The following MCF2L2 variants were observed in gnomAD, a reference collection of about 807,000 sequenced individuals.
MCF2L2 encodes MCF.2 cell line derived transforming sequence-like 2.
A neutral mutation model predicts 150.2 loss-of-function variants in MCF2L2; 102 were observed. The ratio of observed to expected loss-of-function variants is 0.68; its 90% CI spans 0.58 to 0.80. The LOEUF is 0.80. Among genes scored for constraint, MCF2L2 ranks in the 30% least tolerant of loss-of-function variants. The pLI is 0.00. For synonymous variants in MCF2L2, 465 were observed against 491.3 expected, an observed-to-expected ratio of 0.95 and a Z score of 0.71; for missense variants, 1,256 against 1,372.8, an observed-to-expected ratio of 0.91 and a Z score of 1.34.
chr3:183,416,972 C>T (rs1715622601), intron 1 of MCF2L2, among the ~76,000 whole-genome samples: 1 of 151,042 alleles, frequency 6.6e-6, no homozygotes, highest in South Asian at 2.1e-4. Flanking sequence ...ATTAGCTTGG[C>T]GTGGTGGGGC....
intron 10 of MCF2L2, among the ~76,000 whole-genome samples, chr3:183,307,567 G>C (rs1022484155): frequency 2.0e-5 from 3 of 152,238 alleles, no homozygotes; most frequent in Non-Finnish European, 2.9e-5. Flanking sequence ...CGAAAGGTGG[G>C]TCATGGGTTC....
intron 10 of MCF2L2, among the ~76,000 whole-genome samples, chr3:183,301,137 C>G (rs375934559): frequency 1.3e-5 from 2 of 152,022 alleles, no homozygotes; most frequent in African/African-American, 2.4e-5. Flanking sequence ...CTGCATGACA[C>G]TTCGCTCTAA....
chr3:183,351,869 T>A (rs1711512376), intron 3 of MCF2L2, among the ~76,000 whole-genome samples: 2 of 152,290 alleles, frequency 1.3e-5, no homozygotes, highest in South Asian at 4.1e-4. Context: ...ATCTGCAAAA[T>A]GGTGGGGGCT....
At position 183,227,555 on chromosome 3, in the gene MCF2L2, C is replaced by A. The variant is rs1475423643; in HGVS notation, c.2115+742G>T. The A allele has an allele frequency of 6.6e-6, 1 of 152,176 alleles. No homozygotes were observed. Among genetic ancestry groups the A allele is most frequent in the Non-Finnish European group, 1.5e-5 (1 of 68,034 alleles). The allele number at this position is 152,176 out of a possible 1,614,324, so 9.4% of individuals were successfully genotyped here. On this transcript the variant is annotated intron_variant, in intron 18 of 29. Coordinates refer to ENST00000328913, the MANE Select transcript of MCF2L2 (RefSeq NM_015078.4). This position sits in a 1 kb window ranked among gnomAD's most constrained non-coding sequence, Gnocchi z 4.0. ...GCTTCTCCTCTTGAGAGCATTAGTA[C>A]AGCTTTATTGTGGGACTCTAACCTC... is the stretch of plus-strand genomic sequence containing the variant.
chr3:183,394,758 C>G (rs545076313), intron 1 of MCF2L2, among the ~76,000 whole-genome samples: 2 of 152,166 alleles, frequency 1.3e-5, no homozygotes. Flanking sequence ...TAGTCATCAA[C>G]AAATGAAACT....
chr3:183,314,482 G>A (rs1424871920), intron 7 of MCF2L2, among the ~76,000 whole-genome samples: 1 of 152,128 alleles, frequency 6.6e-6, no homozygotes, highest in African/African-American at 2.4e-5. Flanking sequence ...AAGTAAGGCT[G>A]AAAACCTCTC....
Position 183,180,306 on chromosome 3 carries a change from G to A in MCF2L2, c.3017-147C>T. 3 of 616,634 alleles carry A rather than the reference G, an allele frequency of 4.9e-6. No individual in the cohort carries two copies. In the South Asian group the frequency reaches 6.0e-5, roughly 12 times the overall value. The allele number at this position is 616,634 out of a possible 1,614,324, so 38.2% of individuals were successfully genotyped here. A position where few individuals can be genotyped will look rare whatever the true frequency, so the allele number is the denominator to read the frequency against. On this transcript the variant is annotated intron_variant, in intron 27 of 29. Coordinates refer to ENST00000328913, the MANE Select transcript of MCF2L2 (RefSeq NM_015078.4). ...CTCTCCAAGGGCCTGCACTGCGCTG[G>A]GCTGTGAGGGGGTCTGTGATCTCCA...
Position 183,335,799 on chromosome 3 carries a change from C to T in MCF2L2, c.486+3001G>A, listed in dbSNP as rs558782360. ...GCTCAAGCCCAGAAGTTCGAGGCTG[C>T]AGTGAGCTATGATCCTAAGCTATTG... is the stretch of plus-strand genomic sequence containing the variant. On this transcript the variant is annotated intron_variant, in intron 5 of 29. Transcript: ENST00000328913. Among the ~76,000 whole-genome samples the T allele has an allele frequency of 2.0e-5, 3 of 152,262 alleles. No individual in the cohort carries two copies. In the South Asian group the frequency reaches 6.2e-4, roughly 32 times the overall value.
intron 14 of MCF2L2, among the ~76,000 whole-genome samples, chr3:183,287,224 C>T (rs1727845357): frequency 6.6e-6 from 1 of 152,198 alleles, no homozygotes; most frequent in Non-Finnish European, 1.5e-5. Flanking sequence ...ATAAATCACT[C>T]TAATTTGGAT....
intron 14 of MCF2L2, among the ~76,000 whole-genome samples, chr3:183,281,108 A>G (rs1427642475): frequency 1.3e-5 from 2 of 152,288 alleles, no homozygotes; most frequent in East Asian, 3.9e-4. Flanking sequence ...ATGTAAATTA[A>G]TTATGGAAAT....
At chr3:183,299,943 T>G in intron 11 of MCF2L2, 62 bp downstream of exon 11, 1 of 1,549,680 alleles carries the variant, frequency 6.5e-7, no homozygotes, top group Non-Finnish European at 8.8e-7. Context: ...AGGACGAGTA[T>G]GATGGAAGCT....
chr3:183,275,905 C>T (rs1727133078), intron 15 of MCF2L2, among the ~76,000 whole-genome samples: 1 of 152,158 alleles, frequency 6.6e-6, no homozygotes, highest in African/African-American at 2.4e-5. Flanking sequence ...GGATTACAGA[C>T]CTGAGCCACC....
intron 14 of MCF2L2, among the ~76,000 whole-genome samples, chr3:183,279,318 T>C (rs1170653933): frequency 1.3e-5 from 2 of 152,218 alleles, no homozygotes; most frequent in Non-Finnish European, 2.9e-5. Context: ...AATTACACAT[T>C]TTGAAAGCTC....
At chr3:183,408,508 G>A (rs1413652077) in intron 1 of MCF2L2, among the ~76,000 whole-genome samples, 1 of 152,178 alleles carries the variant, frequency 6.6e-6, no homozygotes, top group African/African-American at 2.4e-5. Context: ...ATGGGCAGGG[G>A]TTATCCCCAC....
At chr3:183,370,356 T>G (rs6778656) in intron 3 of MCF2L2, among the ~76,000 whole-genome samples, 48,313 of 152,234 alleles carry the variant, frequency 0.32, 11,760 homozygotes, top group African/African-American at 0.68. Flanking sequence ...GGCCGAGCAA[T>G]GCCCGGGTGG....
Position 183,270,220 on chromosome 3 carries a change from A to G in MCF2L2, c.1862+6652T>C. 2 of 1,614,216 alleles carry G rather than the reference A, an allele frequency of 1.2e-6. No homozygotes were observed. Among genetic ancestry groups the G allele is most frequent in the South Asian group, 1.1e-5 (1 of 91,076 alleles). ...ACTCCTAATCCACTGGAGGGAGAAG[A>G]ACTACAAAGAAAACTGGCTTGGGAA... On this transcript the variant is annotated intron_variant, in intron 15 of 29. Coordinates refer to ENST00000328913, the MANE Select transcript of MCF2L2 (RefSeq NM_015078.4). This position sits in a 1 kb window ranked among gnomAD's most constrained non-coding sequence, Gnocchi z 4.5.
chr3:183,211,997 A>G (rs1722740444), intron 22 of MCF2L2, among the ~76,000 whole-genome samples: 1 of 152,212 alleles, frequency 6.6e-6, no homozygotes, highest in Admixed American at 6.5e-5. Flanking sequence ...GATGGGTCCA[A>G]ATCCAATGAC....
intron 1 of MCF2L2, among the ~76,000 whole-genome samples, chr3:183,408,420 C>T (rs1329894228): frequency 6.6e-6 from 1 of 152,188 alleles, no homozygotes; most frequent in Non-Finnish European, 1.5e-5. Flanking sequence ...CCCCATTACA[C>T]CTGAGGAGCT....
rs1422917428 is a variant in MCF2L2 at position 183,200,053 on chromosome 3, C to G, written c.2885-4798G>C. Among the ~76,000 whole-genome samples the G allele has an allele frequency of 4.6e-5, 7 of 152,216 alleles. No homozygotes were observed. In the South Asian group the frequency reaches 1.5e-3, roughly 32 times the overall value. ...ATGGACATTTGGGTTGGTTCCAAGT[C>G]TTTGCTATTGTGAATAGTGCTGCAA... On this transcript the variant is annotated intron_variant, in intron 25 of 29. Coordinates refer to ENST00000328913, the MANE Select transcript of MCF2L2 (RefSeq NM_015078.4).
Sources: allele counts gnomAD v4.1 joint callset (sites outside exome capture counted in the v4.1 genomes callset), GRCh38; gene constraint gnomAD v4.1.1; non-coding constraint Gnocchi (gnomAD v3.1); transcripts MANE v1.5; gene names NCBI Gene and HGNC (gene_info 2026-07-23, HGNC 2026-07-21).